The following NAA35 variants were observed in gnomAD, a reference collection of about 807,000 sequenced individuals.
The protein encoded by NAA35 is N-alpha-acetyltransferase 35, NatC auxiliary subunit.
In NAA35, 18 loss-of-function variants were observed where a neutral mutation model predicts 101.7. The ratio of observed to expected loss-of-function variants is 0.18; its 90% confidence interval spans 0.12 to 0.26. The LOEUF is 0.26. NAA35 is among the 10% of genes least tolerant of loss of function. The pLI is 1.00. For missense variants in NAA35, 601 were observed against 886.8 expected (o/e 0.68, Z 4.09); for synonymous variants, 267 against 273.1 (o/e 0.98, Z 0.22).
At chr9:85,959,718 A>G in intron 4 of NAA35, 75 bp from the exon 5 acceptor site, 5 of 941,706 alleles carry the variant, frequency 5.3e-6, no homozygotes, top group Non-Finnish European at 8.1e-6. Flanking sequence ...TTAGAAATCC[A>G]AAATGCTACT....
At chr9:86,008,994 C>A (rs1177182373) in intron 14 of NAA35, among the ~76,000 whole-genome samples, 1 of 152,158 alleles carries the variant, frequency 6.6e-6, no homozygotes, top group East Asian at 1.9e-4. Flanking sequence ...GAGCTCCTAG[C>A]ATACTAGGGT....
In NAA35 at chr9:86,003,662, T is replaced by A. The variant is rs758045420; in HGVS notation, c.1116+18T>A. On this transcript the variant is annotated intron_variant, in intron 13 of 22. Transcript: ENST00000361671. ...TGTTACAAGTAAGTTCCACTTAGTA[T>A]CAAAATACTTATTTAAACATTATAT... is the stretch of plus-strand genomic sequence containing the variant. The A allele has an allele frequency of 2.0e-6, 3 of 1,465,534 alleles. No individual in the cohort carries two copies. The highest frequency in any genetic ancestry group is 2.8e-6 in the Non-Finnish European group (3 of 1,055,220). The allele number at this position is 1,465,534 out of a possible 1,614,324, so 90.8% of individuals were successfully genotyped here. A position where few individuals can be genotyped will look rare whatever the true frequency, so the allele number is the denominator to read the frequency against.
Position 86,021,936 on chromosome 9 carries a change from T to C in NAA35, c.2154T>C (p.Tyr718=), listed in dbSNP as rs1322234826. The C allele has an allele frequency of 1.9e-6, 3 of 1,613,664 alleles. No homozygotes were observed. The highest frequency in any genetic ancestry group is 2.5e-6 in the Non-Finnish European group (3 of 1,179,796). ...AATTTGATTTCTCTGCTCATAAATA[T>C]TTTCCTGTTGTGAAACTTGTTTGAG... ...PPEFDFSAHK[Y]FPVVKLV Residue 718 remains tyrosine, a synonymous_variant, in exon 23 of 23, where the codon TAT becomes TAC. Transcript: ENST00000361671.
chr9:85,994,110 G>C (rs923610179), intron 11 of NAA35, among the ~76,000 whole-genome samples: 1 of 152,020 alleles, frequency 6.6e-6, no homozygotes, highest in Non-Finnish European at 1.5e-5. Flanking sequence ...ATTTATTGAG[G>C]CCATGCCTTG....
chr9:85,950,485 A>T lies in NAA35; in HGVS notation c.125-5875A>T, dbSNP rs182262884. ...TTCTCGAACTCCTGACCTCAGGTGA[A>T]CCGCCTGCCTTGGCTCCCAAAGTGC... On this transcript the variant is annotated intron_variant, in intron 2 of 22. Transcript: ENST00000361671. Among the ~76,000 whole-genome samples the T allele has an allele frequency of 2.9e-3, 437 of 152,112 alleles. 5 individuals are homozygous for T. In the South Asian group the frequency reaches 0.033, roughly 12 times the overall value.
chr9:86,013,239 A>C, intron 16 of NAA35, 95 bp downstream of exon 16: 1 of 666,952 alleles, frequency 1.5e-6, no homozygotes, highest in Non-Finnish European at 2.3e-6. Flanking sequence ...ATTTTGACTA[A>C]TTTTTCAACA....
At position 85,959,826 on chromosome 9, in the gene NAA35, C is replaced by T. The variant is rs1169371539; in HGVS notation, c.307C>T (p.Pro103Ser). 1 of 1,611,162 alleles carries T rather than the reference C, an allele frequency of 6.2e-7. No homozygotes were observed. The highest frequency in any genetic ancestry group is 8.5e-7 in the Non-Finnish European group (1 of 1,178,916). ...GTIKIKDLTL[P>S]ELIGIMDTCF... ...TATTAAAATTAAAGATCTCACCTTG[C>T]CTGAACTGATAGGGATTATGGATAC... Residue 103 changes from proline (P) to serine (S), a missense_variant, in exon 5 of 23, where the codon CCT becomes TCT. By Grantham distance (74) the Pro-to-Ser change is moderately conservative. Transcript: ENST00000361671.
At chr9:86,014,210 T>A (rs1832089675) in intron 17 of NAA35, 1 of 206,340 alleles carries the variant, frequency 4.8e-6, no homozygotes, top group Non-Finnish European at 8.5e-6. Flanking sequence ...TTGGTGGCAC[T>A]AGCTGTGGAT....
At chr9:85,948,803 G>T (rs1828876948) in intron 2 of NAA35, among the ~76,000 whole-genome samples, 1 of 151,976 alleles carries the variant, frequency 6.6e-6, no homozygotes, top group South Asian at 2.1e-4. Context: ...TGCTGCCCAG[G>T]CTGGAGTGCA....
At chr9:85,961,579 G>A (rs968742383) in intron 5 of NAA35, among the ~76,000 whole-genome samples, 1 of 152,146 alleles carries the variant, frequency 6.6e-6, no homozygotes. Flanking sequence ...GAGATGGGAG[G>A]CAGGAAAACC....
rs3750388 is a variant in NAA35, at chr9:86,023,065, G to T, written c.*1105G>T. Among the ~76,000 whole-genome samples the T allele has an allele frequency of 0.046, 6,926 of 152,170 alleles. 534 individuals carry two copies. Among genetic ancestry groups the T allele is most frequent in the East Asian group, 0.36 (1,872 of 5,158 alleles). ...TTTCATAAAAACATGATAGTATAGT[G>T]AAACTTTTCTGGCAGTACTTTAAAG... On this transcript the variant is annotated 3_prime_UTR_variant, in exon 23 of 23. Transcript: ENST00000361671.
chr9:86,014,258 G>T, intron 17 of NAA35: 2 of 416,816 alleles, frequency 4.8e-6, no homozygotes, highest in Non-Finnish European at 6.5e-6. Context: ...AATGAGGTCT[G>T]TCTTCTTGGA....
intron 6 of NAA35, chr9:85,966,621 A>G (rs1426878548): frequency 7.7e-7 from 1 of 1,297,218 alleles, no homozygotes; most frequent in Non-Finnish European, 1.0e-6. Flanking sequence ...GAACTGATTG[A>G]TTTTCATGAA....
At chr9:85,969,736 ACCTCTGTAGT>A (rs1369025460) in intron 6 of NAA35, among the ~76,000 whole-genome samples, 2 of 151,864 alleles carry the variant, frequency 1.3e-5, no homozygotes, top group Non-Finnish European at 2.9e-5. Flanking sequence ...GATGTGGTAC[ACCTCTGTAGT>A]CCCAGCCACT....
At position 86,020,180 on chromosome 9, in the gene NAA35, G is replaced by T. The variant is rs957884027; in HGVS notation, c.2038-709G>T. ...TGGTAGTTTTGTTTCCTTCCTTGGA[G>T]GGAAGCAGAGTGCCTGGAAGAGAGA... On this transcript the variant is annotated intron_variant, in intron 21 of 22. Transcript: ENST00000361671. 9.2e-5 allele frequency among the ~76,000 whole-genome samples: 14 copies of T among 152,240 alleles called. No homozygotes were observed. In the East Asian group the frequency reaches 2.1e-3, roughly 23 times the overall value.
At chr9:85,996,032 T>A (rs1831140358) in intron 11 of NAA35, among the ~76,000 whole-genome samples, 1 of 152,178 alleles carries the variant, frequency 6.6e-6, no homozygotes, top group South Asian at 2.1e-4. Flanking sequence ...TGTGTTCCCA[T>A]TTTACCTTTC....
chr9:85,990,635 A>C (rs1830861379), intron 11 of NAA35, among the ~76,000 whole-genome samples: 1 of 152,244 alleles, frequency 6.6e-6, no homozygotes, highest in African/African-American at 2.4e-5. Flanking sequence ...AACAAAACTC[A>C]GTTCTGATTC....
intron 12 of NAA35, among the ~76,000 whole-genome samples, chr9:86,000,536 T>A (rs1320448943): frequency 1.3e-5 from 2 of 152,134 alleles, no homozygotes; most frequent in Non-Finnish European, 2.9e-5. Context: ...GGCCTTTTTT[T>A]TTTGGTTGGT....
chr9:85,962,071 A>G lies in NAA35; in HGVS notation c.407A>G (p.His136Arg), dbSNP rs1440385653. The G allele has an allele frequency of 6.2e-7, 1 of 1,614,094 alleles. No homozygotes were observed. Among genetic ancestry groups the G allele is most frequent in the East Asian group, 2.2e-5 (1 of 44,878 alleles). Residue 136 changes from histidine (H) to arginine (R), a missense_variant, in exon 6 of 23, where the codon CAT becomes CGT. Transcript: ENST00000361671. ...AQTVFTCLYIHNPDFIEDPAM... is the reference protein window; with the variant it reads ...AQTVFTCLYIRNPDFIEDPAM... ...ACAGTATTTACGTGCCTTTACATTC[A>G]TAATCCAGACTTTATAGAAGATCCT...
Sources: gnomAD v4.1 joint callset for allele counts (sites outside exome capture counted in the v4.1 genomes callset) on GRCh38, gnomAD v4.1.1 for gene constraint, MANE v1.5 for transcripts, NCBI Gene and HGNC (gene_info 2026-07-23, HGNC 2026-07-21) for gene names.